Variants in NDUFV1 observed in about 807,000 individuals in gnomAD.
NDUFV1 encodes NADH dehydrogenase [ubiquinone] flavoprotein 1, mitochondrial.
A neutral mutation model predicts 48.7 loss-of-function variants in NDUFV1; 41 were observed. The ratio of observed to expected loss-of-function variants is 0.84; its 90% CI spans 0.66 to 1.09. The LOEUF (loss-of-function observed/expected upper bound fraction) is 1.09. Among genes scored for constraint, NDUFV1 ranks in the 50% least tolerant of loss-of-function variants. NDUFV1 has a pLI of 0.00. For missense variants in NDUFV1, 580 were observed against 645.4 expected (o/e 0.90, Z 1.10); for synonymous variants, 231 against 259.1 (o/e 0.89, Z 1.04).
intron 1 of NDUFV1, 63 bp from the exon 2 acceptor site, chr11:67,608,333 C>A: frequency 6.7e-7 from 1 of 1,482,996 alleles, no homozygotes; most frequent in Non-Finnish European, 9.4e-7. Context: ...GATTCTGTAG[C>A]TTCTGGCCCA....
At chr11:67,609,952 A>G in intron 4 of NDUFV1, 1 of 377,294 alleles carries the variant, frequency 2.7e-6, no homozygotes, top group South Asian at 3.8e-5. Context: ...GAATATAAAC[A>G]ATTCCTATTT....
chr11:67,607,045 C>T lies in NDUFV1; in HGVS notation c.41C>T (p.Ala14Val), dbSNP rs759768690. Residue 14 changes from alanine to valine, a missense_variant, in exon 1 of 10, where the codon GCG becomes GTG. Ala to Val is a moderately conservative substitution (Grantham distance 64, BLOSUM62 0). Transcript: ENST00000322776. ...TRRLLGWSLP[A>V]RVSVRFSGDT... ...CGGCTGCTCGGCTGGTCGCTTCCCGCGCGGGTATCTGTGCGTTTCAGCGGC... is the reference window on the plus strand; with the variant it reads ...CGGCTGCTCGGCTGGTCGCTTCCCGTGCGGGTATCTGTGCGTTTCAGCGGC... 3.1e-6 allele frequency: 5 copies of T among 1,609,072 alleles called. No homozygotes were observed. The highest frequency in any genetic ancestry group is 4.5e-5 in the East Asian group (2 of 44,738).
In NDUFV1 at chr11:67,611,299, G is replaced by C; in HGVS notation, c.913+92G>C. 1 of 1,594,476 alleles carries C rather than the reference G, an allele frequency of 6.3e-7. No individual in the cohort carries two copies. Among genetic ancestry groups the C allele is most frequent in the South Asian group, 1.1e-5 (1 of 89,892 alleles). On this transcript the variant is annotated intron_variant, in intron 6 of 9. Transcript: ENST00000322776. The surrounding 1 kb of genome is among the most constrained non-coding windows in gnomAD (Gnocchi z 4.2). ...CTGGGCGGGAGGGCTCAGGAGACGG[G>C]GCTGGGTCTAGGGGCTGACTAAGGG... is the stretch of plus-strand genomic sequence containing the variant.
chr11:67,611,318 C>G lies in NDUFV1; in HGVS notation c.914-85C>G, dbSNP rs1591111196. On this transcript the variant is annotated intron_variant, in intron 6 of 9. Transcript: ENST00000322776. This position sits in a 1 kb window ranked among gnomAD's most constrained non-coding sequence, Gnocchi z 4.2. ...AGACGGGGCTGGGTCTAGGGGCTGACTAAGGGCCTGGGCTCAGGACTAGGC... is the reference window on the plus strand; with the variant it reads ...AGACGGGGCTGGGTCTAGGGGCTGAGTAAGGGCCTGGGCTCAGGACTAGGC... The G allele has an allele frequency of 1.3e-5, 21 of 1,595,622 alleles. No individual in the cohort carries two copies. The highest frequency in any genetic ancestry group is 2.2e-5 in the East Asian group (1 of 44,654).
Position 67,612,338 on chromosome 11 carries a change from ACT to A in NDUFV1, c.1309-31_1309-30del, listed in dbSNP as rs1854937034. 6.2e-7 allele frequency: 1 copy of A among 1,613,324 alleles called. No individual in the cohort carries two copies. The stretch of plus-strand genomic sequence containing the variant: ...GCCCAGGGTGTTGGGGGATTTTTGG[ACT>A]CTGTTTCACATGGTCCCCCCACCGA... On this transcript the variant is annotated intron_variant, in intron 9 of 9. Transcript: ENST00000322776. The surrounding 1 kb of genome is among the most constrained non-coding windows in gnomAD (Gnocchi z 4.4).
Position 67,612,526 on chromosome 11 carries a change from C to G in NDUFV1, c.*68C>G. The G allele has an allele frequency of 6.6e-7, 1 of 1,516,082 alleles. No homozygotes were observed. Among genetic ancestry groups the G allele is most frequent in the Non-Finnish European group, 9.0e-7 (1 of 1,111,704 alleles). 93.9% of individuals were successfully genotyped at this position (1,516,082 alleles called of 1,614,324 possible). On this transcript the variant is annotated 3_prime_UTR_variant, in exon 10 of 10. Transcript: ENST00000322776. This position sits in a 1 kb window ranked among gnomAD's most constrained non-coding sequence, Gnocchi z 4.4. ...TGCTGGACAATAAAGCGAGTGCTGC[C>G]CACCCTCCAGCTGCCGCTGCTGTGA...
chr11:67,608,336 C>T (rs1304384174), intron 1 of NDUFV1, 60 bp from the exon 2 acceptor site: 8 of 1,494,804 alleles, frequency 5.4e-6, no homozygotes, highest in Admixed American at 1.7e-5. Flanking sequence ...TCTGTAGCTT[C>T]TGGCCCAATC....
At chr11:67,609,119 T>C (rs1251904836) in intron 3 of NDUFV1, among the ~76,000 whole-genome samples, 4 of 152,246 alleles carry the variant, frequency 2.6e-5, no homozygotes, top group Non-Finnish European at 5.9e-5. Context: ...AAATGTCACC[T>C]GCTTTACCTC....
chr11:67,610,721 A>G, intron 5 of NDUFV1, 151 bp downstream of exon 5: 1 of 1,112,784 alleles, frequency 9.0e-7, no homozygotes, highest in Non-Finnish European at 1.3e-6. Flanking sequence ...AGGCTCCCCC[A>G]GGGCCGCCTG....
chr11:67,608,332 G>C, intron 1 of NDUFV1, 64 bp from the exon 2 acceptor site: 1 of 1,480,192 alleles, frequency 6.8e-7, no homozygotes, highest in Admixed American at 1.7e-5. Flanking sequence ...AGATTCTGTA[G>C]CTTCTGGCCC....
chr11:67,612,335 T>G lies in NDUFV1; in HGVS notation c.1309-37T>G, dbSNP rs762912918. On this transcript the variant is annotated intron_variant, in intron 9 of 9. Coordinates refer to ENST00000322776, the MANE Select transcript of NDUFV1 (RefSeq NM_007103.4). The surrounding 1 kb of genome is among the most constrained non-coding windows in gnomAD (Gnocchi z 4.4). ...AGGGCCCAGGGTGTTGGGGGATTTT[T>G]GGACTCTGTTTCACATGGTCCCCCC... 6.2e-7 allele frequency: 1 copy of G among 1,613,872 alleles called. No homozygotes were observed.
rs1055541765 is a variant in NDUFV1, at chr11:67,611,116, A to G, written c.822A>G (p.Lys274=). 3 of 1,614,238 alleles carry G rather than the reference A, an allele frequency of 1.9e-6. No individual in the cohort carries two copies. The highest frequency in any genetic ancestry group is 1.7e-6 in the Non-Finnish European group (2 of 1,180,050). Reference sequence around the variant, plus strand: ...GCAGAGAACGCAACTCAGGCACCAAACTATTCAACATCTCTGGCCATGTCA... The same window carrying G: ...GCAGAGAACGCAACTCAGGCACCAAGCTATTCAACATCTCTGGCCATGTCA... ...GFGRERNSGT[K]LFNISGHVNH... is the part of the protein sequence containing the mutation. Residue 274 remains lysine (K), a synonymous_variant, in exon 6 of 10, where the codon AAA becomes AAG. Transcript: ENST00000322776. The surrounding 1 kb of genome is among the most constrained non-coding windows in gnomAD (Gnocchi z 4.2).
chr11:67,611,646 C>G lies in NDUFV1; in HGVS notation c.1080+77C>G. The G allele has an allele frequency of 6.4e-7, 1 of 1,550,670 alleles. No homozygotes were observed. On this transcript the variant is annotated intron_variant, in intron 7 of 9. Coordinates refer to ENST00000322776, the MANE Select transcript of NDUFV1 (RefSeq NM_007103.4). The surrounding 1 kb of genome is among the most constrained non-coding windows in gnomAD (Gnocchi z 4.2). ...CTCCCTGGGCCTCCCAGAAAACCCT[C>G]TTGCCAGCACTCAGGTCTCAGTTCC...
intron 1 of NDUFV1, among the ~76,000 whole-genome samples, chr11:67,607,969 G>GT (rs1353960769): frequency 6.6e-6 from 1 of 152,238 alleles, no homozygotes; most frequent in Non-Finnish European, 1.5e-5. Flanking sequence ...GCTCACGCCT[G>GT]TAATCCCAGC....
At position 67,609,701 on chromosome 11, in the gene NDUFV1, G is replaced by C; in HGVS notation, c.510+66G>C. The C allele has an allele frequency of 4.5e-6, 7 of 1,559,302 alleles. No homozygotes were observed. The South Asian group carries it at 7.8e-5, about 17-fold the overall frequency. On this transcript the variant is annotated intron_variant, in intron 4 of 9. Transcript: ENST00000322776. ...TGTGCACTCACACACCCCTCACCCA[G>C]CACAGTTGTTCTGAGGTGTTAGTAC... is the stretch of plus-strand genomic sequence containing the variant.
Position 67,606,957 on chromosome 11 carries a change from C to G in NDUFV1, c.-48C>G, listed in dbSNP as rs1470615375. On this transcript the variant is annotated 5_prime_UTR_variant, in exon 1 of 10. Transcript: ENST00000322776. ...CTCTATCGCGCCAGTTCCTCAGCCT[C>G]AGTGCTATGAAGGTGACAGCGTGAG... 6.3e-7 allele frequency: 1 copy of G among 1,585,704 alleles called. No homozygotes were observed. Among genetic ancestry groups the G allele is most frequent in the East Asian group, 2.3e-5 (1 of 43,890 alleles).
In NDUFV1 at chr11:67,609,515, C is replaced by T. The variant is rs771680577; in HGVS notation, c.390C>T (p.Ile130=). 3 of 1,613,738 alleles carry T rather than the reference C, an allele frequency of 1.9e-6. No homozygotes were observed. Among genetic ancestry groups the T allele is most frequent in the Non-Finnish European group, 2.5e-6 (3 of 1,180,020 alleles). The stretch of plus-strand genomic sequence containing the variant: ...CGGGCACCTGCAAGGACCGGGAGAT[C>T]TTACGCCATGATCCTCACAAGCTGC... ...GEPGTCKDRE[I]LRHDPHKLLE... is the part of the protein sequence containing the mutation. The change falls in exon 4 of 10, where the codon ATC becomes ATT. Residue 130 remains isoleucine (I), a synonymous_variant. Coordinates refer to ENST00000322776, the MANE Select transcript of NDUFV1 (RefSeq NM_007103.4).
chr11:67,612,534 C>T lies in NDUFV1; in HGVS notation c.*76C>T, dbSNP rs1854943118. The stretch of plus-strand genomic sequence containing the variant: ...AATAAAGCGAGTGCTGCCCACCCTC[C>T]AGCTGCCGCTGCTGTGACTGTGCTC... On this transcript the variant is annotated 3_prime_UTR_variant, in exon 10 of 10. Coordinates refer to ENST00000322776, the MANE Select transcript of NDUFV1 (RefSeq NM_007103.4). This position sits in a 1 kb window ranked among gnomAD's most constrained non-coding sequence, Gnocchi z 4.4. The T allele has an allele frequency of 6.8e-7, 1 of 1,474,350 alleles. No individual in the cohort carries two copies. Among genetic ancestry groups the T allele is most frequent in the Admixed American group, 1.9e-5 (1 of 51,830 alleles). 91.3% of individuals were successfully genotyped at this position (1,474,350 alleles called of 1,614,324 possible). A position where few individuals can be genotyped will look rare whatever the true frequency, so the allele number is the denominator to read the frequency against.
chr11:67,610,928 C>A, intron 5 of NDUFV1, 67 bp from the exon 6 acceptor site: 1 of 1,498,730 alleles, frequency 6.7e-7, no homozygotes, highest in Non-Finnish European at 9.3e-7. Flanking sequence ...CCCTGGGACA[C>A]ACCTCCCTGC....
Sources: gnomAD v4.1 joint callset for allele counts (sites outside exome capture counted in the v4.1 genomes callset) on GRCh38, gnomAD v4.1.1 for gene constraint, Gnocchi (gnomAD v3.1) non-coding constraint, MANE v1.5 for transcripts, NCBI Gene and HGNC (gene_info 2026-07-23, HGNC 2026-07-21) for gene names.